Variants in CTNNA3 observed in about 807,000 individuals in gnomAD.
CTNNA3 encodes the protein catenin alpha 3.
Under a neutral mutation model 95.7 loss-of-function variants are expected in CTNNA3, and 76 were observed. The observed-to-expected ratio is 0.79, with a 90% CI of 0.66 to 0.96. The LOEUF is 0.96. Among genes scored for constraint, CTNNA3 ranks in the 40% least tolerant of loss-of-function variants. The probability of loss-of-function intolerance (pLI) is 0.00; values close to 1 mark genes in which losing one functional copy is unlikely to be tolerated. For synonymous variants in CTNNA3, 431 were observed against 374.4 expected, an observed-to-expected ratio of 1.15 and a Z score of -1.74; for missense variants, 1,191 against 1,089.8, an observed-to-expected ratio of 1.09 and a Z score of -1.31.
intron 5 of CTNNA3, among the ~76,000 whole-genome samples, chr10:67,470,039 A>G (rs1847757245): frequency 6.6e-6 from 1 of 152,106 alleles, no homozygotes; most frequent in South Asian, 2.1e-4. Context: ...GGTCTTATTC[A>G]TTCTTTCTAA....
intron 12 of CTNNA3, among the ~76,000 whole-genome samples, chr10:66,292,327 T>A (rs1429245494): frequency 6.6e-6 from 1 of 152,174 alleles, no homozygotes; most frequent in Non-Finnish European, 1.5e-5. Flanking sequence ...ACAAGTTCTA[T>A]CAATTCAATG....
intron 5 of CTNNA3, among the ~76,000 whole-genome samples, chr10:67,264,986 T>G (rs1866762877): frequency 6.6e-6 from 1 of 152,180 alleles, no homozygotes; most frequent in African/African-American, 2.4e-5. Flanking sequence ...ATTTTTGAAA[T>G]CAGTCACTAC....
intron 15 of CTNNA3, among the ~76,000 whole-genome samples, chr10:66,005,928 T>C (rs1012373963): frequency 6.6e-6 from 1 of 152,004 alleles, no homozygotes; most frequent in Non-Finnish European, 1.5e-5. Flanking sequence ...ATCCCCTTTA[T>C]TGAAACTGTG....
chr10:67,548,815 A>C (rs1840924520), intron 3 of CTNNA3, among the ~76,000 whole-genome samples: 1 of 152,158 alleles, frequency 6.6e-6, no homozygotes, highest in Admixed American at 6.5e-5. Flanking sequence ...GAAGGTAAAA[A>C]GACAACACAC....
chr10:66,379,036 C>A (rs1224411510), intron 12 of CTNNA3, 116 bp downstream of exon 12: 6 of 826,336 alleles, frequency 7.3e-6, no homozygotes, highest in East Asian at 5.0e-5. Context: ...CACTGTATAG[C>A]AATGTATGTC....
At chr10:66,972,077 TGA>T (rs1438834959) in intron 7 of CTNNA3, among the ~76,000 whole-genome samples, 4 of 152,210 alleles carry the variant, frequency 2.6e-5, no homozygotes, top group African/African-American at 4.8e-5. Flanking sequence ...TACACTCCAC[TGA>T]GCTTTTAAGC....
At chr10:67,103,957 A>G (rs1858486218) in intron 7 of CTNNA3, among the ~76,000 whole-genome samples, 1 of 151,850 alleles carries the variant, frequency 6.6e-6, no homozygotes, top group Admixed American at 6.6e-5. Context: ...CCCTAAAAAG[A>G]GTAGACATTT....
At chr10:67,636,985 T>A (rs1396896881) in intron 2 of CTNNA3, among the ~76,000 whole-genome samples, 1 of 152,162 alleles carries the variant, frequency 6.6e-6, no homozygotes, top group Non-Finnish European at 1.5e-5. Flanking sequence ...ATGCAGCTCC[T>A]CACTAGCAAC....
chr10:66,262,626 T>C (rs1040838063), intron 13 of CTNNA3, among the ~76,000 whole-genome samples: 4 of 151,928 alleles, frequency 2.6e-5, no homozygotes, highest in East Asian at 1.9e-4. Context: ...TAAATGAATA[T>C]GATTTATGTA....
chr10:66,951,949 A>G (rs1848559586), intron 7 of CTNNA3, among the ~76,000 whole-genome samples: 1 of 152,176 alleles, frequency 6.6e-6, no homozygotes, highest in Non-Finnish European at 1.5e-5. Context: ...CCTGTCTCAG[A>G]ACTCTTTAGA....
intron 11 of CTNNA3, among the ~76,000 whole-genome samples, chr10:66,446,058 A>G (rs566247114): frequency 1.9e-4 from 29 of 152,176 alleles, no homozygotes; most frequent in African/African-American, 6.0e-4. Flanking sequence ...CTAAGCAAAT[A>G]AACTAGAAAA....
intron 3 of CTNNA3, among the ~76,000 whole-genome samples, chr10:67,563,026 G>T (rs1437787606): frequency 6.6e-6 from 1 of 151,978 alleles, no homozygotes; most frequent in Non-Finnish European, 1.5e-5. Flanking sequence ...CATGCTCATG[G>T]GTAGGAAGAA....
At chr10:66,658,061 T>C (rs757826516) in intron 9 of CTNNA3, among the ~76,000 whole-genome samples, 4 of 152,204 alleles carry the variant, frequency 2.6e-5, no homozygotes, top group Non-Finnish European at 5.9e-5. Context: ...TTCAATTTGG[T>C]CTGTCTGATG....
intron 5 of CTNNA3, among the ~76,000 whole-genome samples, chr10:67,370,756 T>C (rs887857306): frequency 1.3e-5 from 2 of 152,310 alleles, no homozygotes; most frequent in East Asian, 1.9e-4. Context: ...TGTGTGTATA[T>C]GTACATATAA....
chr10:66,216,673 A>T (rs1333368248), intron 13 of CTNNA3, among the ~76,000 whole-genome samples: 2 of 152,196 alleles, frequency 1.3e-5, no homozygotes, highest in Non-Finnish European at 2.9e-5. Flanking sequence ...AGTCTGTCTG[A>T]CTTGAGGAGC....
At chr10:67,226,632 T>C (rs1864930038) in intron 5 of CTNNA3, among the ~76,000 whole-genome samples, 1 of 152,156 alleles carries the variant, frequency 6.6e-6, no homozygotes, top group African/African-American at 2.4e-5. Context: ...CTAAGCATCA[T>C]ATATGAAGGA....
chr10:66,005,895 A>G (rs2133376846), intron 15 of CTNNA3, among the ~76,000 whole-genome samples: 1 of 152,208 alleles, frequency 6.6e-6, no homozygotes, highest in East Asian at 1.9e-4. Flanking sequence ...TAGGGATGAC[A>G]TTATAGTTAA....
chr10:67,175,841 A>G (rs1441311104), intron 7 of CTNNA3, among the ~76,000 whole-genome samples: 2 of 152,128 alleles, frequency 1.3e-5, no homozygotes, highest in Admixed American at 6.6e-5. Flanking sequence ...CCTACCTACA[A>G]TTCTATTTTC....
At chr10:66,525,557 C>G in intron 10 of CTNNA3, among the ~76,000 whole-genome samples, 1 of 151,906 alleles carries the variant, frequency 6.6e-6, no homozygotes, top group Non-Finnish European at 1.5e-5. Flanking sequence ...AAGTGATGAT[C>G]CTTGAAACCA....
Sources: allele counts gnomAD v4.1 joint callset (sites outside exome capture counted in the v4.1 genomes callset), GRCh38; gene constraint gnomAD v4.1.1; transcripts MANE v1.5; gene names NCBI Gene and HGNC (gene_info 2026-07-23, HGNC 2026-07-21).